TMEFF2: variants seen among roughly 807,000 people sequenced by gnomAD.
TMEFF2 encodes transmembrane protein with EGF like and two follistatin like domains 2.
TMEFF2 carries 28 observed loss-of-function variants against 53.8 expected under a neutral mutation model. The ratio of observed to expected loss-of-function variants is 0.52; its 90% confidence interval spans 0.39 to 0.71. TMEFF2 has a LOEUF of 0.71. Among genes scored for constraint, TMEFF2 ranks in the 30% least tolerant of loss-of-function variants. The probability of loss-of-function intolerance (pLI) is 0.00; values close to 1 mark genes in which losing one functional copy is unlikely to be tolerated. For missense variants in TMEFF2, 353 were observed against 455.2 expected (o/e 0.78, Z 2.04); for synonymous variants, 162 against 166.3 (o/e 0.97, Z 0.20).
intron 7 of TMEFF2, among the ~76,000 whole-genome samples, chr2:191,957,547 A>G (rs1424677148): frequency 3.9e-5 from 6 of 152,236 alleles, no homozygotes; most frequent in African/African-American, 1.2e-4. Flanking sequence ...CTCTGGTATT[A>G]GCGAATCAGA....
intron 5 of TMEFF2, among the ~76,000 whole-genome samples, chr2:192,010,789 T>TA (rs1209644880): frequency 8.5e-5 from 13 of 152,228 alleles, no homozygotes; most frequent in African/African-American, 2.7e-4. Context: ...AATAACTACT[T>TA]ACACCTGGCG....
chr2:192,055,099 T>C (rs2356755), intron 5 of TMEFF2, among the ~76,000 whole-genome samples: 145,926 of 152,268 alleles, frequency 0.96, 70,232 homozygotes, highest in East Asian at 1. Flanking sequence ...AAACAATTTA[T>C]AAGAAAACAG....
chr2:191,981,528 G>C (rs1685851118), intron 7 of TMEFF2, among the ~76,000 whole-genome samples: 1 of 152,150 alleles, frequency 6.6e-6, no homozygotes, highest in East Asian at 1.9e-4. Context: ...GAGATAGCGT[G>C]TTGTATATAT....
chr2:192,127,492 A>G (rs1689704949), intron 4 of TMEFF2, among the ~76,000 whole-genome samples: 1 of 152,166 alleles, frequency 6.6e-6, no homozygotes, highest in Admixed American at 6.6e-5. Flanking sequence ...AAAAACATTC[A>G]ACAAATCAAC....
rs114170826 is a variant in TMEFF2, at chr2:192,010,249, C to T, written c.537-11041G>A. Among the ~76,000 whole-genome samples the T allele has an allele frequency of 4.5e-3, 687 of 152,294 alleles. 3 individuals are homozygous for T. The highest frequency in any genetic ancestry group is 0.016 in the African/African-American group (648 of 41,560). On this transcript the variant is annotated intron_variant, in intron 5 of 9. Transcript: ENST00000272771. ...GCTCAAACCAGCCGTTCCTCACTGA[C>T]TTCCTGCAGTATTGCCGGTGAGTTC...
At chr2:192,032,238 T>G (rs1687156158) in intron 5 of TMEFF2, 1 of 152,210 alleles carries the variant, frequency 6.6e-6, no homozygotes, top group African/African-American at 2.4e-5. Flanking sequence ...AGAGATTCTC[T>G]TCACCAAGAA....
intron 2 of TMEFF2, among the ~76,000 whole-genome samples, chr2:192,191,056 T>C (rs1443891811): frequency 6.6e-6 from 1 of 152,172 alleles, no homozygotes; most frequent in Non-Finnish European, 1.5e-5. Context: ...CCATGCTACT[T>C]GAAGTTCTGC....
intron 4 of TMEFF2, among the ~76,000 whole-genome samples, chr2:192,118,299 C>A (rs1689465370): frequency 1.3e-5 from 2 of 151,798 alleles, no homozygotes; most frequent in African/African-American, 4.9e-5. Context: ...ACAGCAACTG[C>A]CAGTTTTTGA....
intron 4 of TMEFF2, among the ~76,000 whole-genome samples, chr2:192,175,189 C>A (rs1224951365): frequency 6.6e-6 from 1 of 151,492 alleles, no homozygotes; most frequent in African/African-American, 2.4e-5. Context: ...TTCAAGTCAA[C>A]CAAATTACTA....
chr2:191,954,562 A>G (rs780028552), intron 8 of TMEFF2, among the ~76,000 whole-genome samples: 3 of 152,158 alleles, frequency 2.0e-5, no homozygotes, highest in African/African-American at 2.4e-5. Context: ...CATGGGTACA[A>G]AAATTAGTCT....
chr2:191,964,358 T>TTCTCTC, intron 7 of TMEFF2, among the ~76,000 whole-genome samples: 1 of 104,368 alleles, frequency 9.6e-6, no homozygotes, highest in South Asian at 3.3e-4. Context: ...CTTTCTTTCT[T>TTCTCTC]TCTTTCTTTC....
chr2:192,090,223 C>T (rs1437800076), intron 4 of TMEFF2, among the ~76,000 whole-genome samples: 1 of 152,030 alleles, frequency 6.6e-6, no homozygotes. Flanking sequence ...TAGCCTAGTG[C>T]TATCATATAA....
At chr2:191,996,929 C>G (rs1313505592) in intron 7 of TMEFF2, among the ~76,000 whole-genome samples, 1 of 151,702 alleles carries the variant, frequency 6.6e-6, no homozygotes, top group African/African-American at 2.4e-5. Flanking sequence ...AGCTATAGAA[C>G]CTACATTTGT....
At chr2:192,003,928 T>TGGG (rs372342056) in intron 5 of TMEFF2, among the ~76,000 whole-genome samples, 4,931 of 118,462 alleles carry the variant, frequency 0.042, 311 homozygotes, top group African/African-American at 0.056. Context: ...TGTGTGTGTG[T>TGGG]GGGGGGGGGG....
At chr2:192,173,678 G>A (rs1027911006) in intron 4 of TMEFF2, among the ~76,000 whole-genome samples, 1 of 151,656 alleles carries the variant, frequency 6.6e-6, no homozygotes, top group Non-Finnish European at 1.5e-5. Flanking sequence ...TTGTGTAACT[G>A]CATTTCCTCT....
chr2:192,172,356 G>T (rs1374368448), intron 4 of TMEFF2, among the ~76,000 whole-genome samples: 2 of 151,696 alleles, frequency 1.3e-5, no homozygotes, highest in Non-Finnish European at 2.9e-5. Flanking sequence ...ACCATGCCAG[G>T]GTCACAAGTA....
intron 4 of TMEFF2, among the ~76,000 whole-genome samples, chr2:192,132,542 C>A (rs1689868638): frequency 6.6e-6 from 1 of 152,124 alleles, no homozygotes; most frequent in African/African-American, 2.4e-5. Context: ...ATTAACCTCA[C>A]CTTCAAGGTG....
At chr2:192,013,611 A>G in intron 5 of TMEFF2, among the ~76,000 whole-genome samples, 1 of 151,964 alleles carries the variant, frequency 6.6e-6, no homozygotes, top group East Asian at 1.9e-4. Context: ...CACCATGCCC[A>G]GCTAATTTTT....
chr2:191,961,705 T>C (rs936060140), intron 7 of TMEFF2, among the ~76,000 whole-genome samples: 3 of 152,026 alleles, frequency 2.0e-5, no homozygotes, highest in Non-Finnish European at 4.4e-5. Flanking sequence ...ACAGTTCTTA[T>C]GATTTCCTCT....
Sources: allele counts gnomAD v4.1 joint callset (sites outside exome capture counted in the v4.1 genomes callset), GRCh38; gene constraint gnomAD v4.1.1; transcripts MANE v1.5; gene names NCBI Gene and HGNC (gene_info 2026-07-23, HGNC 2026-07-21).